The following ATP11B variants were observed in gnomAD, a reference collection of about 807,000 sequenced individuals.
ATP11B encodes ATPase phospholipid transporting 11B (putative).
In ATP11B, 81 loss-of-function variants were observed where a neutral mutation model predicts 157.8. The observed-to-expected ratio is 0.51, with a 90% CI of 0.43 to 0.62. The LOEUF is 0.62. Ranked by LOEUF, ATP11B falls within the 20% of genes least tolerant of loss-of-function variation. ATP11B has a pLI of 0.00. For synonymous variants in ATP11B, 451 were observed against 469.4 expected (o/e 0.96, Z 0.51); for missense variants, 1,165 against 1,402.2 (o/e 0.83, Z 2.70).
At chr3:182,915,640 T>G in intron 29 of ATP11B, 9 of 966,480 alleles carry the variant, frequency 9.3e-6, no homozygotes, top group Non-Finnish European at 1.1e-5. Flanking sequence ...AGAATTAATT[T>G]TAAATGAGCC....
intron 1 of ATP11B, among the ~76,000 whole-genome samples, chr3:182,795,603 C>A (rs1193664236): frequency 6.6e-6 from 1 of 152,188 alleles, no homozygotes; most frequent in East Asian, 1.9e-4. Flanking sequence ...AAAATGCTAT[C>A]TCTGACATTT....
At position 182,873,963 on chromosome 3, in the gene ATP11B, A is replaced by C; in HGVS notation, c.2200A>C (p.Asn734His). The part of the protein sequence containing the change: ...HRTMNILELI[N>H]QKSDSECAEQ... The stretch of plus-strand genomic sequence containing the variant: ...AACCATGAACATCCTTGAACTTATA[A>C]ACCAGAAATCAGACAGCGAGTGTGC... The change falls in exon 19 of 30, where the codon AAC (asparagine) becomes CAC (histidine). Residue 734 changes from asparagine to histidine, a missense_variant. By Grantham distance (68) the Asn-to-His change is moderately conservative. Coordinates refer to ENST00000323116, the MANE Select transcript of ATP11B (RefSeq NM_014616.3). 6 of 1,614,124 alleles carry C rather than the reference A, an allele frequency of 3.7e-6. No homozygotes were observed. The highest frequency in any genetic ancestry group is 5.1e-6 in the Non-Finnish European group (6 of 1,179,998).
rs145968646 is a variant in ATP11B, at chr3:182,873,081, T to C, written c.2048+544T>C. On this transcript the variant is annotated intron_variant, in intron 18 of 29. Transcript: ENST00000323116. ...AATTCTCTTCTTTGTGAAGTCTCAT[T>C]GTAGGTAGTTCTGTTGTTGTCTTTG... Among the ~76,000 whole-genome samples the C allele has an allele frequency of 3.3e-3, 504 of 152,348 alleles. 6 individuals are homozygous for C. The highest frequency in any genetic ancestry group is 0.012 in the African/African-American group (488 of 41,578).
At chr3:182,895,828 A>G (rs1723509641) in intron 25 of ATP11B, among the ~76,000 whole-genome samples, 1 of 152,146 alleles carries the variant, frequency 6.6e-6, no homozygotes, top group Non-Finnish European at 1.5e-5. Context: ...ATGATGAGGC[A>G]GTTCTGACCC....
rs1165502103 is a variant in ATP11B, at chr3:182,891,037, T to TA, written c.2982+1497dup. 7.2e-5 allele frequency among the ~76,000 whole-genome samples: 11 copies of TA among 152,166 alleles called. 1 individual carries two copies. Among genetic ancestry groups the TA allele is most frequent in the East Asian group, 5.8e-4 (3 of 5,188 alleles). ...ATGTACCCTAGAATTTAAAGTATAA[T>TA]AAAAAAAACCTACATGCTTAGTCAT... On this transcript the variant is annotated intron_variant, in intron 25 of 29. Transcript: ENST00000323116.
intron 3 of ATP11B, 104 bp downstream of exon 3, chr3:182,828,313 C>G (rs1189438071): frequency 3.8e-6 from 2 of 529,132 alleles, no homozygotes; most frequent in Non-Finnish European, 6.6e-6. Context: ...GACCATGTGA[C>G]CATTTTTTCT....
intron 1 of ATP11B, among the ~76,000 whole-genome samples, chr3:182,801,551 T>C (rs1185451708): frequency 6.6e-6 from 1 of 152,212 alleles, no homozygotes; most frequent in African/African-American, 2.4e-5. Flanking sequence ...TGGTATAATT[T>C]ATCCTTTACC....
At chr3:182,820,769 A>G (rs1717289465) in intron 2 of ATP11B, among the ~76,000 whole-genome samples, 1 of 152,238 alleles carries the variant, frequency 6.6e-6, no homozygotes, top group South Asian at 2.1e-4. Flanking sequence ...TACAAATTCA[A>G]GAAAACGGTG....
chr3:182,796,995 G>C (rs908493281), intron 1 of ATP11B, among the ~76,000 whole-genome samples: 1 of 152,180 alleles, frequency 6.6e-6, no homozygotes, highest in African/African-American at 2.4e-5. Context: ...AGAAAAATGA[G>C]AAGGTCTTAA....
At chr3:182,859,479 T>C (rs1187322502) in intron 12 of ATP11B, 120 bp downstream of exon 12, 9 of 803,190 alleles carry the variant, frequency 1.1e-5, no homozygotes, top group Non-Finnish European at 1.5e-5. Context: ...CCCCCTTTGC[T>C]CCACTCCTAG....
chr3:182,876,351 T>C (rs144662579), intron 19 of ATP11B, among the ~76,000 whole-genome samples: 1 of 152,344 alleles, frequency 6.6e-6, no homozygotes, highest in East Asian at 1.9e-4. Context: ...GCTATTTTCT[T>C]TAAGTCTTCT....
chr3:182,805,476 CGGAGTTTCACTCTTGT>C (rs1477086351), intron 1 of ATP11B, among the ~76,000 whole-genome samples: 1 of 149,682 alleles, frequency 6.7e-6, no homozygotes, highest in Non-Finnish European at 1.5e-5. Context: ...TCTTTTGAGA[CGGAGTTTCACTCTTGT>C]TGCCCAGGCT....
chr3:182,850,235 G>C (rs918999355), intron 10 of ATP11B, among the ~76,000 whole-genome samples: 2 of 152,308 alleles, frequency 1.3e-5, no homozygotes, highest in Admixed American at 1.3e-4. Context: ...CACTTTGGGA[G>C]ACCAAGGCAG....
intron 1 of ATP11B, among the ~76,000 whole-genome samples, chr3:182,795,737 C>T (rs1715559241): frequency 6.6e-6 from 1 of 152,080 alleles, no homozygotes; most frequent in Admixed American, 6.6e-5. Flanking sequence ...CATCAAGGAC[C>T]CTGGATACAG....
At position 182,844,901 on chromosome 3, in the gene ATP11B, C is replaced by G. The variant is rs374580886; in HGVS notation, c.705-557C>G. ...GTGGCTTTGTGACTGTATTTACATGCATAATCATTTTTCTGAGCCACTAAT... is the reference window on the plus strand; with the variant it reads ...GTGGCTTTGTGACTGTATTTACATGGATAATCATTTTTCTGAGCCACTAAT... On this transcript the variant is annotated intron_variant, in intron 8 of 29. Transcript: ENST00000323116. 6.6e-5 allele frequency among the ~76,000 whole-genome samples: 10 copies of G among 150,930 alleles called. No individual in the cohort carries two copies. In the South Asian group the frequency reaches 8.4e-4, roughly 13 times the overall value.
intron 28 of ATP11B, among the ~76,000 whole-genome samples, chr3:182,912,139 T>C (rs1332415288): frequency 6.6e-6 from 1 of 152,074 alleles, no homozygotes; most frequent in East Asian, 1.9e-4. Context: ...AAATTTGAGA[T>C]TGGGAAAACT....
At chr3:182,860,472 C>T (rs1170763618) in intron 12 of ATP11B, among the ~76,000 whole-genome samples, 5 of 152,008 alleles carry the variant, frequency 3.3e-5, no homozygotes, top group South Asian at 2.1e-4. Context: ...CCTTGGTGTT[C>T]GTTTTTCCTT....
At chr3:182,889,064 T>C (rs1302109546) in intron 24 of ATP11B, among the ~76,000 whole-genome samples, 5 of 152,112 alleles carry the variant, frequency 3.3e-5, no homozygotes, top group Non-Finnish European at 7.4e-5. Flanking sequence ...GATTTCACCA[T>C]GTTGGCCAGG....
intron 19 of ATP11B, among the ~76,000 whole-genome samples, chr3:182,874,296 A>G (rs1165800886): frequency 3.3e-5 from 5 of 152,218 alleles, no homozygotes; most frequent in African/African-American, 1.2e-4. Flanking sequence ...CAGCATCAGA[A>G]TTGAGTAGTT....
Sources: allele counts gnomAD v4.1 joint callset (sites outside exome capture counted in the v4.1 genomes callset), GRCh38; gene constraint gnomAD v4.1.1; transcripts MANE v1.5; gene names NCBI Gene and HGNC (gene_info 2026-07-23, HGNC 2026-07-21).